SLC44A2: variants seen among roughly 807,000 people sequenced by gnomAD.
SLC44A2 encodes choline transporter-like protein 2.
In SLC44A2, 57 loss-of-function variants were observed where a neutral mutation model predicts 90.8. That is an observed-to-expected ratio of 0.63 (90% CI 0.51 to 0.78). The LOEUF is 0.78. Ranked by LOEUF, SLC44A2 falls within the 30% of genes least tolerant of loss-of-function variation. The probability of loss-of-function intolerance (pLI) is 0.00; values close to 1 mark genes in which losing one functional copy is unlikely to be tolerated. For synonymous variants in SLC44A2, 355 were observed against 360.7 expected, an observed-to-expected ratio of 0.98 and a Z score of 0.18; for missense variants, 794 against 919.7, an observed-to-expected ratio of 0.86 and a Z score of 1.77.
rs778730687 is a variant in SLC44A2 at position 10,636,721 on chromosome 19, G to A, written c.1556G>A (p.Arg519His). The A allele has an allele frequency of 4.3e-6, 7 of 1,614,022 alleles. No homozygotes were observed. Among genetic ancestry groups the A allele is most frequent in the South Asian group, 3.3e-5 (3 of 91,066 alleles). The change falls in exon 16 of 22, where the codon CGT (arginine) becomes CAT (histidine). Residue 519 changes from arginine to histidine, a missense_variant. Around this residue, in one of 3 missense-constraint regions of SLC44A2, gnomAD observed 738 missense variants for 841.1 expected, o/e 0.88. Transcript: ENST00000335757. ...ATCCTGGCCATTGTGCAGATCATCC[G>A]TGTGATACTCGAGTACCTGGATCAG... Reference protein sequence around the residue: ...ALILAIVQIIRVILEYLDQRL... With the variant: ...ALILAIVQIIHVILEYLDQRL...
At chr19:10,614,569 T>C (rs2066840034) in intron 1 of SLC44A2, among the ~76,000 whole-genome samples, 1 of 152,162 alleles carries the variant, frequency 6.6e-6, no homozygotes, top group South Asian at 2.1e-4. Flanking sequence ...AAAACTTAAT[T>C]AGTGATAGCC....
chr19:10,606,865 A>ATG (rs1568440965), intron 1 of SLC44A2, among the ~76,000 whole-genome samples: 3 of 143,692 alleles, frequency 2.1e-5, no homozygotes, highest in African/African-American at 7.7e-5. Context: ...ATACACATAT[A>ATG]TATGTATGTA....
Position 10,631,153 on chromosome 19 carries a change from C to T in SLC44A2, c.330+12C>T, listed in dbSNP as rs1314016090. 1.9e-6 allele frequency: 3 copies of T among 1,611,986 alleles called. No individual in the cohort carries two copies. In the Admixed American group the frequency reaches 5.0e-5, roughly 27 times the overall value. On this transcript the variant is annotated intron_variant, in intron 5 of 21. Transcript: ENST00000335757. ...GTCCCACTCCCCAGGTAACCTGGTC[C>T]CCACCGTTCCCTTTTTCCTCTCCCC...
chr19:10,639,079 G>A (rs1198769617), intron 20 of SLC44A2, among the ~76,000 whole-genome samples: 7 of 151,892 alleles, frequency 4.6e-5, no homozygotes, highest in African/African-American at 7.3e-5. Flanking sequence ...GATTACAGGC[G>A]TGAACCACCA....
intron 10 of SLC44A2, among the ~76,000 whole-genome samples, chr19:10,632,932 A>C (rs546415173): frequency 1.3e-5 from 2 of 152,016 alleles, no homozygotes; most frequent in African/African-American, 4.8e-5. Context: ...TCAGCCTCCC[A>C]AAGTGCTAGG....
chr19:10,635,592 TG>T (rs2067045731), intron 14 of SLC44A2, 77 bp downstream of exon 14: 6 of 1,327,964 alleles, frequency 4.5e-6, no homozygotes, highest in Non-Finnish European at 6.3e-6. Flanking sequence ...CATGTCCACT[TG>T]GAGGTTCAGC....
intron 20 of SLC44A2, among the ~76,000 whole-genome samples, chr19:10,639,380 C>T (rs1050600796): frequency 1.3e-5 from 2 of 151,970 alleles, no homozygotes; most frequent in African/African-American, 2.4e-5. Flanking sequence ...GGACATGCCA[C>T]GAGTATGTCT....
intron 1 of SLC44A2, among the ~76,000 whole-genome samples, chr19:10,610,491 C>T (rs1306359233): frequency 6.7e-6 from 1 of 150,138 alleles, no homozygotes; most frequent in Non-Finnish European, 1.5e-5. Context: ...GCCACCATGC[C>T]CGGCTGATTT....
At chr19:10,608,226 G>GA (rs71164103) in intron 1 of SLC44A2, among the ~76,000 whole-genome samples, 121 of 123,920 alleles carry the variant, frequency 9.8e-4, no homozygotes, top group South Asian at 1.9e-3. Context: ...CCGTCTCAAA[G>GA]AAAAAAAAAA....
chr19:10,635,093 G>A lies in SLC44A2; in HGVS notation c.1055+20G>A. ...CAGCAGGTGGGGGGCCAGGGTGCCA[G>A]GGGCCAGGATGGAGCTGTCCCTAGA... On this transcript the variant is annotated intron_variant, in intron 12 of 21. Coordinates refer to ENST00000335757, the MANE Select transcript of SLC44A2 (RefSeq NM_020428.4). 6.2e-7 allele frequency: 1 copy of A among 1,613,844 alleles called. No individual in the cohort carries two copies. Among genetic ancestry groups the A allele is most frequent in the East Asian group, 2.2e-5 (1 of 44,888 alleles).
chr19:10,642,992 G>A, intron 21 of SLC44A2: 2 of 1,578,100 alleles, frequency 1.3e-6, no homozygotes, highest in Non-Finnish European at 1.7e-6. Context: ...TGCGGAGGAG[G>A]GGAAGCGGGC....
intron 1 of SLC44A2, among the ~76,000 whole-genome samples, chr19:10,615,039 G>GT (rs909040686): frequency 0.02 from 2,785 of 137,568 alleles, 25 homozygotes; most frequent in Non-Finnish European, 0.026. Context: ...AAGTAATTGC[G>GT]TTTTTTTTTT....
rs1045088578 is a variant in SLC44A2, at chr19:10,644,216, C to T, written c.*831C>T. On this transcript the variant is annotated 3_prime_UTR_variant, in exon 22 of 22. Transcript: ENST00000335757. ...TAAGAGAGGAAAGAAACTAAACCCA[C>T]CCAAGGGATGATGTCAGGGGGAGAG... 5.2e-5 allele frequency: 8 copies of T among 152,652 alleles called. No individual in the cohort carries two copies. The highest frequency in any genetic ancestry group is 1.9e-4 in the African/African-American group (8 of 41,422). The allele number at this position is 152,652 out of a possible 1,614,324, so 9.5% of individuals were successfully genotyped here.
Position 10,636,243 on chromosome 19 carries a change from G to A in SLC44A2, c.1234-80G>A, listed in dbSNP as rs188069089. On this transcript the variant is annotated intron_variant, in intron 14 of 21. Coordinates refer to ENST00000335757, the MANE Select transcript of SLC44A2 (RefSeq NM_020428.4). Reference sequence around the variant, plus strand: ...TCCTGTCCTACCTCATGGTTTTCCTGGCCCCACACCTGATGCTCAGAGCCC... The same window carrying A: ...TCCTGTCCTACCTCATGGTTTTCCTAGCCCCACACCTGATGCTCAGAGCCC... 1.1e-3 allele frequency: 1,710 copies of A among 1,500,272 alleles called. 1 individual carries two copies. The highest frequency in any genetic ancestry group is 1.2e-3 in the Non-Finnish European group (1,361 of 1,114,250). The allele number at this position is 1,500,272 out of a possible 1,614,324, so 92.9% of individuals were successfully genotyped here. A position where few individuals can be genotyped will look rare whatever the true frequency, so the allele number is the denominator to read the frequency against.
intron 1 of SLC44A2, among the ~76,000 whole-genome samples, chr19:10,607,069 G>A (rs1398429143): frequency 6.6e-6 from 1 of 151,232 alleles, no homozygotes; most frequent in Non-Finnish European, 1.5e-5. Flanking sequence ...CCGCCACCAC[G>A]CCTGGCTAAT....
intron 10 of SLC44A2, among the ~76,000 whole-genome samples, chr19:10,634,122 C>A (rs1313582562): frequency 6.7e-6 from 1 of 149,986 alleles, no homozygotes; most frequent in Admixed American, 6.7e-5. Flanking sequence ...TGGCGCCCAC[C>A]ACCACGCCCA....
At chr19:10,629,573 C>T (rs2066971898) in intron 4 of SLC44A2, among the ~76,000 whole-genome samples, 1 of 151,106 alleles carries the variant, frequency 6.6e-6, no homozygotes, top group African/African-American at 2.4e-5. Context: ...CCACCACACC[C>T]GGCCTATTAT....
At chr19:10,626,386 A>C in intron 2 of SLC44A2, 85 bp downstream of exon 2, 1 of 1,040,206 alleles carries the variant, frequency 9.6e-7, no homozygotes, top group African/African-American at 1.6e-5. Flanking sequence ...TCTGTTCTCC[A>C]ACAAACTGGT....
chr19:10,625,648 GC>G lies in SLC44A2; in HGVS notation c.19del (p.His7ThrfsTer44). On this transcript the variant is annotated frameshift_variant, in exon 1 of 22. Transcript: ENST00000335757. LOFTEE classifies it high-confidence loss of function. MGDER[P>X]HYYGKHGTPQ... is the part of the protein sequence containing the mutation. Reference sequence around the variant, plus strand: ...CGCCTGCAGGGATGGGGGACGAGCGGCCCCACTACTACGGGAAACACGGTAG... The same window carrying G: ...CGCCTGCAGGGATGGGGGACGAGCGGCCCACTACTACGGGAAACACGGTAG... The G allele has an allele frequency of 8.0e-7, 1 of 1,249,886 alleles. No individual in the cohort carries two copies. The highest frequency in any genetic ancestry group is 2.2e-4 in the Middle Eastern group (1 of 4,460). The allele number at this position is 1,249,886 out of a possible 1,614,324, so 77.4% of individuals were successfully genotyped here.
Sources: gnomAD v4.1 joint callset for allele counts (sites outside exome capture counted in the v4.1 genomes callset) on GRCh38, gnomAD v4.1.1 for gene constraint, gnomAD v4.1.1 regional missense constraint, MANE v1.5 for transcripts, NCBI Gene and HGNC (gene_info 2026-07-23, HGNC 2026-07-21) for gene names.